Variants in CCAR2 observed in about 807,000 individuals in gnomAD.
The protein encoded by CCAR2 is cell cycle and apoptosis regulator protein 2.
CCAR2 carries 21 observed loss-of-function variants against 108.1 expected under a neutral mutation model. The ratio of observed to expected loss-of-function variants is 0.19; its 90% CI spans 0.14 to 0.28. The LOEUF (loss-of-function observed/expected upper bound fraction) is 0.28, where lower values mean the gene tolerates loss of function less well. Ranked by LOEUF, CCAR2 falls within the 10% of genes least tolerant of loss-of-function variation. The probability of loss-of-function intolerance (pLI) is 1.00; values close to 1 mark genes in which losing one functional copy is unlikely to be tolerated. For missense variants in CCAR2, 1,126 were observed against 1,177.0 expected (o/e 0.96, Z 0.63); for synonymous variants, 577 against 472.8 (o/e 1.22, Z -2.86).
At chr8:22,616,323 G>T in intron 14 of CCAR2, 75 bp downstream of exon 14, 1 of 1,414,766 alleles carries the variant, frequency 7.1e-7, no homozygotes, top group Non-Finnish European at 9.9e-7. Context: ...TCTGTTCCGA[G>T]CGCTTCCTGT....
At chr8:22,606,797 T>C in intron 4 of CCAR2, 99 bp downstream of exon 4, 1 of 1,468,080 alleles carries the variant, frequency 6.8e-7, no homozygotes, top group Non-Finnish European at 9.5e-7. Context: ...ATTGCTTTGC[T>C]GTTTTTGTGC....
Position 22,605,808 on chromosome 8 carries a change from T to A in CCAR2, c.35T>A (p.Leu12His). The A allele has an allele frequency of 6.2e-7, 1 of 1,614,088 alleles. No homozygotes were observed. Among genetic ancestry groups the A allele is most frequent in the African/African-American group, 1.3e-5 (1 of 75,072 alleles). The change falls in exon 2 of 21, where the codon CTT becomes CAT. Residue 12 changes from leucine to histidine, a missense_variant. This residue lies in a region of CCAR2 where 52 missense variants were observed against 63.7 expected (regional missense o/e 0.82). Transcript: ENST00000308511. ...SQFKRQRINP[L>H]PGGRNFSGTA... ...TTTAAGCGCCAGCGGATCAACCCGC[T>A]TCCAGGGGGACGCAACTTCTCAGGT...
intron 17 of CCAR2, 29 bp downstream of exon 17, chr8:22,618,524 G>A (rs1451012245): frequency 1.2e-6 from 2 of 1,614,106 alleles, no homozygotes; most frequent in Non-Finnish European, 8.5e-7. Context: ...CCCAGCACAT[G>A]GGCACAGGCC....
chr8:22,617,716 T>G lies in CCAR2; in HGVS notation c.2011T>G (p.Ser671Ala). The G allele has an allele frequency of 6.2e-7, 1 of 1,614,212 alleles. No individual in the cohort carries two copies. Among genetic ancestry groups the G allele is most frequent in the Non-Finnish European group, 8.5e-7 (1 of 1,180,038 alleles). Residue 671 changes from serine to alanine, a missense_variant, in exon 16 of 21, where the codon TCG becomes GCG. Transcript: ENST00000308511. ...TGTAGCAGGAGCAAAGCTGGAGGAT[T>G]CGGAGGTCCGGTCCGTTGCCTCAAA... ...EEFAGAKLED[S>A]EVRSVASNQS...
intron 10 of CCAR2, 69 bp from the exon 11 acceptor site, chr8:22,614,769 G>A: frequency 1.3e-6 from 2 of 1,598,974 alleles, no homozygotes; most frequent in Non-Finnish European, 1.7e-6. Flanking sequence ...ATGGGTGGCA[G>A]CCTTGCCCTG....
chr8:22,612,932 A>C (rs893207033), intron 7 of CCAR2, 85 bp from the exon 8 acceptor site: 1 of 1,433,552 alleles, frequency 7.0e-7, no homozygotes. Flanking sequence ...AGGGATTTCG[A>C]TTGTTTCCAG....
chr8:22,618,893 A>G lies in CCAR2; in HGVS notation c.2399A>G (p.Lys800Arg). 1 of 1,613,968 alleles carries G rather than the reference A, an allele frequency of 6.2e-7. No homozygotes were observed. Among genetic ancestry groups the G allele is most frequent in the Non-Finnish European group, 8.5e-7 (1 of 1,180,036 alleles). ...TKPGAAPTEHKALVSHNGSLI... is the reference protein window; with the variant it reads ...TKPGAAPTEHRALVSHNGSLI... Reference sequence around the variant, plus strand: ...CCAGGTGCTGCCCCCACAGAACACAAAGCCTTGGTGTCCCACAATGGCAGC... The same window carrying G: ...CCAGGTGCTGCCCCCACAGAACACAGAGCCTTGGTGTCCCACAATGGCAGC... Residue 800 changes from lysine to arginine, a missense_variant, in exon 19 of 21, where the codon AAA becomes AGA. By Grantham distance (26) the Lys-to-Arg change is conservative (BLOSUM62 2). Transcript: ENST00000308511.
chr8:22,614,720 G>A, intron 10 of CCAR2, 118 bp from the exon 11 acceptor site: 2 of 838,676 alleles, frequency 2.4e-6, no homozygotes, highest in Non-Finnish European at 3.5e-6. Context: ...AGACCTCACT[G>A]TGTGGTGGAC....
Position 22,617,577 on chromosome 8 carries a change from G to T in CCAR2, c.1990+13G>T. The T allele has an allele frequency of 6.2e-7, 1 of 1,604,834 alleles. No individual in the cohort carries two copies. Among genetic ancestry groups the T allele is most frequent in the Non-Finnish European group, 8.5e-7 (1 of 1,174,644 alleles). On this transcript the variant is annotated intron_variant, in intron 15 of 20. Coordinates refer to ENST00000308511, the MANE Select transcript of CCAR2 (RefSeq NM_001393997.1). ...GAGGAGGAGTTTGGTATGTTGAGTG[G>T]TGAGAGGGGAGCTTGCAGGCTTGGG...
chr8:22,618,170 A>C lies in CCAR2; in HGVS notation c.2074-179A>C, dbSNP rs1461740038. The C allele has an allele frequency of 8.1e-6, 6 of 742,572 alleles. No homozygotes were observed. The African/African-American group carries it at 8.7e-5, about 11-fold the overall frequency. The allele number at this position is 742,572 out of a possible 1,614,324, so 46.0% of individuals were successfully genotyped here. ...CACAGGCATGAATATAGTGCACTGC[A>C]GCCTCGAACTCCTGGGTTCAAGTGA... On this transcript the variant is annotated intron_variant, in intron 16 of 20. Coordinates refer to ENST00000308511, the MANE Select transcript of CCAR2 (RefSeq NM_001393997.1).
At chr8:22,620,750 T>C (rs557571116), downstream of CCAR2, 1 of 152,300 alleles carries the variant, frequency 6.6e-6, no homozygotes, top group Non-Finnish European at 1.5e-5. Flanking sequence ...AAAATAAAAT[T>C]CCAGATACTC....
intron 16 of CCAR2, 23 bp downstream of exon 16, chr8:22,617,801 C>G (rs200495038): frequency 1.9e-6 from 3 of 1,610,526 alleles, no homozygotes; most frequent in East Asian, 2.2e-5. Context: ...CTCGACCACT[C>G]TGGGTCTCAG....
chr8:22,610,692 G>C (rs1427548320), intron 7 of CCAR2, among the ~76,000 whole-genome samples: 4 of 152,248 alleles, frequency 2.6e-5, no homozygotes, highest in African/African-American at 9.6e-5. Context: ...CAACAGAAAA[G>C]AGCAGGCATC....
chr8:22,618,311 C>T (rs1238514268), intron 16 of CCAR2, 38 bp from the exon 17 acceptor site: 8 of 1,613,520 alleles, frequency 5.0e-6, no homozygotes, highest in Admixed American at 1.7e-5. Context: ...ACTGAGGGAA[C>T]TATTTGCAAA....
rs1322091583 is a variant in CCAR2, at chr8:22,613,383, T to C, written c.704+247T>C. 3.4e-5 allele frequency among the ~76,000 whole-genome samples: 5 copies of C among 144,944 alleles called. No individual in the cohort carries two copies. The East Asian group carries it at 1.1e-3, about 32-fold the overall frequency. On this transcript the variant is annotated intron_variant, in intron 8 of 20. Coordinates refer to ENST00000308511, the MANE Select transcript of CCAR2 (RefSeq NM_001393997.1). ...TTTTTTTTTTTTTTTTTTTAGCAAC[T>C]ACACAGTATTCATTGAATGGATGAA... is the stretch of plus-strand genomic sequence containing the variant.
At chr8:22,619,541 T>TGC in intron 20 of CCAR2, 97 bp from the exon 21 acceptor site, 2 of 1,448,644 alleles carry the variant, frequency 1.4e-6, no homozygotes. Flanking sequence ...GTCAGCAGCG[T>TGC]GCAGTGGGAG....
rs201950635 is a variant in CCAR2, at chr8:22,615,406, C to T, written c.1206-19C>T. Reference sequence around the variant, plus strand: ...GAGTTGTCACTAAAGAAGTTAGTACCTCCTTTTGCCATGTGCAGGTGGCGC... The same window carrying T: ...GAGTTGTCACTAAAGAAGTTAGTACTTCCTTTTGCCATGTGCAGGTGGCGC... On this transcript the variant is annotated intron_variant, in intron 11 of 20. Coordinates refer to ENST00000308511, the MANE Select transcript of CCAR2 (RefSeq NM_001393997.1). 1.2e-6 allele frequency: 2 copies of T among 1,608,920 alleles called. No individual in the cohort carries two copies. The highest frequency in any genetic ancestry group is 2.7e-5 in the African/African-American group (2 of 74,900).
chr8:22,608,139 G>T, intron 7 of CCAR2, 74 bp downstream of exon 7: 4 of 1,266,134 alleles, frequency 3.2e-6, no homozygotes, highest in Non-Finnish European at 1.1e-6. Flanking sequence ...TTATTTTTTT[G>T]TGTTGGCCAG....
At position 22,619,163 on chromosome 8, in the gene CCAR2, C is replaced by T; in HGVS notation, c.2535C>T (p.Asn845=). 6.2e-7 allele frequency: 1 copy of T among 1,602,224 alleles called. No homozygotes were observed. The highest frequency in any genetic ancestry group is 8.5e-7 in the Non-Finnish European group (1 of 1,174,760). ...TCCACCTTGCAGAGGAGAGCCATAA[C>T]CGTTTCTCAGCCACTGAAGTAACCA... ...TLELKLEESH[N]RFSATEVTNK... Residue 845 remains asparagine (N), a synonymous_variant, in exon 20 of 21, where the codon AAC becomes AAT. Coordinates refer to ENST00000308511, the MANE Select transcript of CCAR2 (RefSeq NM_001393997.1).
Sources: gnomAD v4.1 joint callset for allele counts (sites outside exome capture counted in the v4.1 genomes callset) on GRCh38, gnomAD v4.1.1 for gene constraint, gnomAD v4.1.1 regional missense constraint, MANE v1.5 for transcripts, NCBI Gene and HGNC (gene_info 2026-07-23, HGNC 2026-07-21) for gene names.